CHST9: variants seen among roughly 807,000 people sequenced by gnomAD.
CHST9 encodes carbohydrate sulfotransferase 9, also known as GalNAc-4-sulfotransferase 2.
CHST9 carries 41 observed loss-of-function variants against 44.4 expected under a neutral mutation model. That is an observed-to-expected ratio of 0.92 (90% CI 0.72 to 1.20). The LOEUF (loss-of-function observed/expected upper bound fraction) is 1.20. CHST9 is among the 50% of genes most tolerant of loss of function. The pLI is 0.00. For synonymous variants in CHST9, 171 were observed against 178.4 expected, an observed-to-expected ratio of 0.96 and a Z score of 0.33; for missense variants, 504 against 516.5, an observed-to-expected ratio of 0.98 and a Z score of 0.23.
intron 2 of CHST9, among the ~76,000 whole-genome samples, chr18:27,052,292 G>GTA (rs1568150370): frequency 6.8e-6 from 1 of 147,096 alleles, no homozygotes; most frequent in East Asian, 2.0e-4. Flanking sequence ...ATATATGTGT[G>GTA]TATATATGTA....
chr18:27,066,621 A>G (rs1255429123), intron 2 of CHST9, among the ~76,000 whole-genome samples: 1 of 152,132 alleles, frequency 6.6e-6, no homozygotes, highest in Non-Finnish European at 1.5e-5. Context: ...ACCTGTCAGG[A>G]TGACACTGAC....
rs144723461 is a variant in CHST9, at chr18:26,930,113, T to C, written c.241-12763A>G. 1.4e-3 allele frequency among the ~76,000 whole-genome samples: 208 copies of C among 152,312 alleles called. 1 individual carries two copies. In the East Asian group the frequency reaches 0.016, roughly 12 times the overall value. On this transcript the variant is annotated intron_variant, in intron 5 of 5. Coordinates refer to ENST00000618847, the MANE Select transcript of CHST9 (RefSeq NM_031422.6). The stretch of plus-strand genomic sequence containing the variant: ...CCTCTGGCTTATGTCACTTGCATAT[T>C]TGACAACTCAGCTATACTTAAGACA...
At chr18:27,143,799 G>A (rs9947754) in intron 1 of CHST9, among the ~76,000 whole-genome samples, 1,704 of 152,072 alleles carry the variant, frequency 0.011, 26 homozygotes, top group African/African-American at 0.036. Context: ...TTGGGGGATG[G>A]GGGGCAAGGG....
At chr18:26,923,539 G>C (rs540011148) in intron 5 of CHST9, among the ~76,000 whole-genome samples, 182 of 138,578 alleles carry the variant, frequency 1.3e-3, no homozygotes, top group African/African-American at 4.6e-3. Context: ...TTATACTGTT[G>C]ATAAGTGTTG....
intron 2 of CHST9, among the ~76,000 whole-genome samples, chr18:27,125,538 A>G (rs545358313): frequency 6.6e-6 from 1 of 152,308 alleles, no homozygotes; most frequent in Admixed American, 6.5e-5. Context: ...ACCATTTTTC[A>G]TATTAACTTT....
At chr18:26,921,487 G>T (rs2055652961) in intron 5 of CHST9, among the ~76,000 whole-genome samples, 1 of 152,084 alleles carries the variant, frequency 6.6e-6, no homozygotes, top group Non-Finnish European at 1.5e-5. Context: ...CCTTCTCCTG[G>T]AACTCCTCAT....
intron 2 of CHST9, among the ~76,000 whole-genome samples, chr18:27,093,917 G>C (rs976609975): frequency 2.6e-5 from 4 of 151,414 alleles, no homozygotes; most frequent in African/African-American, 9.7e-5. Context: ...AAGAGGCTGA[G>C]AGATGATTGA....
At chr18:26,971,983 C>T (rs963748006) in intron 4 of CHST9, among the ~76,000 whole-genome samples, 2 of 151,930 alleles carry the variant, frequency 1.3e-5, no homozygotes, top group African/African-American at 2.4e-5. Flanking sequence ...AGTATTATGG[C>T]GGAAAAAAAG....
intron 2 of CHST9, among the ~76,000 whole-genome samples, chr18:27,070,676 G>T (rs891413517): frequency 1.1e-4 from 8 of 71,572 alleles, no homozygotes; most frequent in South Asian, 6.7e-4. Context: ...GTTTGACCTT[G>T]TCCTATGTCA....
chr18:27,159,583 G>C (rs2058728794), intron 1 of CHST9, among the ~76,000 whole-genome samples: 1 of 152,152 alleles, frequency 6.6e-6, no homozygotes, highest in Non-Finnish European at 1.5e-5. Context: ...GATTGACTTG[G>C]CAATGCAGGC....
intron 1 of CHST9, among the ~76,000 whole-genome samples, chr18:27,179,220 G>T (rs906956899): frequency 6.6e-6 from 1 of 151,546 alleles, no homozygotes; most frequent in African/African-American, 2.4e-5. Flanking sequence ...ACCACTTATT[G>T]TCACCCAAAA....
chr18:27,182,634 G>T (rs1264262858), intron 1 of CHST9, among the ~76,000 whole-genome samples: 2 of 152,168 alleles, frequency 1.3e-5, no homozygotes, highest in Non-Finnish European at 2.9e-5. Flanking sequence ...GCTCTAATTA[G>T]AGCAAACACC....
chr18:26,967,898 C>T (rs2056487594), intron 4 of CHST9, among the ~76,000 whole-genome samples: 1 of 152,202 alleles, frequency 6.6e-6, no homozygotes, highest in African/African-American at 2.4e-5. Context: ...GTTTTCTGGC[C>T]TCCATCTTTC....
At chr18:26,984,009 C>T (rs1246382168) in intron 4 of CHST9, among the ~76,000 whole-genome samples, 1 of 152,152 alleles carries the variant, frequency 6.6e-6, no homozygotes, top group Non-Finnish European at 1.5e-5. Context: ...AACCCCTTTA[C>T]CAGCTTGGTT....
chr18:27,120,536 C>T (rs2058365868), intron 2 of CHST9, among the ~76,000 whole-genome samples: 1 of 152,004 alleles, frequency 6.6e-6, no homozygotes, highest in East Asian at 1.9e-4. Context: ...AATTCCAGAA[C>T]TCATGAACTG....
intron 2 of CHST9, among the ~76,000 whole-genome samples, chr18:27,099,789 G>A (rs1205665596): frequency 6.6e-6 from 1 of 152,082 alleles, no homozygotes; most frequent in South Asian, 2.1e-4. Context: ...AGGTAAATTA[G>A]TTCAGCCACT....
At chr18:27,146,651 T>TAA (rs1024852819) in intron 1 of CHST9, among the ~76,000 whole-genome samples, 18 of 152,210 alleles carry the variant, frequency 1.2e-4, no homozygotes, top group African/African-American at 2.4e-5. Context: ...TCCCTTCCCA[T>TAA]AAACAGAATA....
Position 27,024,116 on chromosome 18 carries a change from T to G in CHST9, c.202A>C (p.Met68Leu). 1.2e-6 allele frequency: 2 copies of G among 1,612,418 alleles called. No homozygotes were observed. The highest frequency in any genetic ancestry group is 2.2e-5 in the South Asian group (2 of 90,722). The change falls in exon 4 of 6, where the codon ATG (methionine) becomes CTG (leucine). Residue 68 changes from methionine to leucine, a missense_variant and splice_region_variant. Transcript: ENST00000618847. ...VKYLRPVPRI[M>L]STEKIQEHIT... is the part of the protein sequence containing the mutation. The stretch of plus-strand genomic sequence containing the variant: ...CAAACATTATGAGGAAGTTACTCAC[T>G]GATTCTGGGTACAGGCCGCAAGTAC...
In CHST9 at chr18:26,917,043, TGAAGGAA is replaced by T. The variant is rs1281809595; in HGVS notation, c.541_547del (p.Phe181ArgfsTer10). 1.2e-6 allele frequency: 2 copies of T among 1,613,998 alleles called. No individual in the cohort carries two copies. The highest frequency in any genetic ancestry group is 1.7e-5 in the Admixed American group (1 of 60,006). On this transcript the variant is annotated frameshift_variant, in exon 6 of 6. Transcript: ENST00000618847. LOFTEE classifies it high-confidence loss of function. The stretch of plus-strand genomic sequence containing the variant: ...CCCACCGTATTTCTTGCAAAACTCC[TGAAGGAA>T]AGACCTTCGTTTCTCTTGGGTCTCC...
Sources: allele counts gnomAD v4.1 joint callset (sites outside exome capture counted in the v4.1 genomes callset), GRCh38; gene constraint gnomAD v4.1.1; transcripts MANE v1.5; gene names NCBI Gene and HGNC (gene_info 2026-07-23, HGNC 2026-07-21).